Variants in SH3GL2 observed in about 807,000 individuals in gnomAD.
The protein encoded by SH3GL2 is SH3 domain containing GRB2 like 2, endophilin A1.
Under a neutral mutation model 46.0 loss-of-function variants are expected in SH3GL2, and 24 were observed. That is an observed-to-expected ratio of 0.52 (90% CI 0.38 to 0.73). The LOEUF is 0.73. Among genes scored for constraint, SH3GL2 ranks in the 30% least tolerant of loss-of-function variants. The pLI is 0.00. For synonymous variants in SH3GL2, 196 were observed against 147.1 expected (o/e 1.33, Z -2.40); for missense variants, 413 against 424.2 (o/e 0.97, Z 0.23).
intron 1 of SH3GL2, among the ~76,000 whole-genome samples, chr9:17,729,400 C>G (rs1563829823): frequency 6.6e-6 from 1 of 152,092 alleles, no homozygotes. Context: ...AAATTTTCCC[C>G]CATTCCGTAG....
chr9:17,693,441 T>C (rs1170908888), intron 1 of SH3GL2, among the ~76,000 whole-genome samples: 2 of 152,204 alleles, frequency 1.3e-5, no homozygotes, highest in Admixed American at 1.3e-4. Context: ...TACTTCTGTG[T>C]AAAATAGGGA....
At chr9:17,608,178 T>C (rs147266166) in intron 1 of SH3GL2, among the ~76,000 whole-genome samples, 3 of 144,730 alleles carry the variant, frequency 2.1e-5, no homozygotes, top group Non-Finnish European at 4.5e-5. Context: ...GATGGAGTCT[T>C]GCTCTGTTGC....
At chr9:17,671,713 T>C (rs1319608943) in intron 1 of SH3GL2, among the ~76,000 whole-genome samples, 1 of 152,178 alleles carries the variant, frequency 6.6e-6, no homozygotes, top group Non-Finnish European at 1.5e-5. Flanking sequence ...TTTGCAGTAT[T>C]GTGCCTCTGT....
intron 1 of SH3GL2, among the ~76,000 whole-genome samples, chr9:17,633,808 A>G (rs907861149): frequency 1.3e-5 from 2 of 152,206 alleles, no homozygotes; most frequent in Non-Finnish European, 2.9e-5. Context: ...AGTATTTTCT[A>G]ATACCTTTTT....
At chr9:17,614,159 T>G (rs914091229) in intron 1 of SH3GL2, among the ~76,000 whole-genome samples, 2 of 152,026 alleles carry the variant, frequency 1.3e-5, no homozygotes, top group African/African-American at 4.8e-5. Context: ...TTAACCTGAT[T>G]ACTGTTTCTA....
intron 1 of SH3GL2, among the ~76,000 whole-genome samples, chr9:17,693,123 G>A (rs1821123886): frequency 6.6e-6 from 1 of 152,096 alleles, no homozygotes; most frequent in Non-Finnish European, 1.5e-5. Flanking sequence ...ATTGTCCATT[G>A]AAAATAAAAC....
rs138056865 is a variant in SH3GL2, at chr9:17,581,495, A to T, written c.45+2208A>T. 2.6e-5 allele frequency among the ~76,000 whole-genome samples: 4 copies of T among 152,316 alleles called. No homozygotes were observed. In the East Asian group the frequency reaches 7.7e-4, roughly 29 times the overall value. On this transcript the variant is annotated intron_variant, in intron 1 of 8. Coordinates refer to ENST00000380607, the MANE Select transcript of SH3GL2 (RefSeq NM_003026.5). Reference sequence around the variant, plus strand: ...ACAGGTGACTGTTCTGTGCATATGTATATTTAGGAGAGTATGTAAAGCCCA... The same window carrying T: ...ACAGGTGACTGTTCTGTGCATATGTTTATTTAGGAGAGTATGTAAAGCCCA...
chr9:17,766,055 C>T (rs1823308180), intron 3 of SH3GL2, among the ~76,000 whole-genome samples: 1 of 152,196 alleles, frequency 6.6e-6, no homozygotes, highest in Non-Finnish European at 1.5e-5. Context: ...AAGAGCAATT[C>T]TAGATGCTGT....
rs116993657 is a variant in SH3GL2 at position 17,675,502 on chromosome 9, C to T, written c.46-71564C>T. Among the ~76,000 whole-genome samples the T allele has an allele frequency of 1.5e-3, 221 of 152,300 alleles. 1 individual carries two copies. The highest frequency in any genetic ancestry group is 0.012 in the East Asian group (61 of 5,186). On this transcript the variant is annotated intron_variant, in intron 1 of 8. Transcript: ENST00000380607. The stretch of plus-strand genomic sequence containing the variant: ...CTGTCTGAAAAGAATGCATTGATTA[C>T]AAAACTCTTTAAGTTGTACAGAAGT...
chr9:17,790,937 T>G (rs557007073), intron 6 of SH3GL2, among the ~76,000 whole-genome samples: 2 of 152,296 alleles, frequency 1.3e-5, no homozygotes, highest in South Asian at 4.1e-4. Flanking sequence ...GATACAAGAT[T>G]GTAGCTAAGC....
chr9:17,599,028 A>G (rs1461409660), intron 1 of SH3GL2, among the ~76,000 whole-genome samples: 1 of 152,236 alleles, frequency 6.6e-6, no homozygotes, highest in Non-Finnish European at 1.5e-5. Context: ...TTGGTATACA[A>G]TAAAGGCAGT....
At chr9:17,741,249 A>G (rs1035800665) in intron 1 of SH3GL2, among the ~76,000 whole-genome samples, 2 of 152,202 alleles carry the variant, frequency 1.3e-5, no homozygotes, top group African/African-American at 4.8e-5. Flanking sequence ...TTTATTTTCT[A>G]TCAAATGTAT....
intron 1 of SH3GL2, among the ~76,000 whole-genome samples, chr9:17,721,433 AC>A (rs1235727853): frequency 2.0e-5 from 3 of 152,124 alleles, no homozygotes; most frequent in Non-Finnish European, 4.4e-5. Flanking sequence ...ACAGGATCAT[AC>A]TAATGTAAGC....
At chr9:17,708,361 T>C (rs7023310) in intron 1 of SH3GL2, among the ~76,000 whole-genome samples, 14,375 of 152,010 alleles carry the variant, frequency 0.095, 2,223 homozygotes, top group African/African-American at 0.33. Flanking sequence ...TTTTTTGATT[T>C]TGACTCTTAG....
intron 1 of SH3GL2, among the ~76,000 whole-genome samples, chr9:17,738,948 C>T (rs1039943029): frequency 3.3e-5 from 5 of 152,052 alleles, no homozygotes; most frequent in Admixed American, 6.6e-5. Context: ...ACAGCTATTG[C>T]ATTAGTTTGA....
chr9:17,666,391 T>C (rs1295774870), intron 1 of SH3GL2, among the ~76,000 whole-genome samples: 3 of 152,076 alleles, frequency 2.0e-5, no homozygotes, highest in Admixed American at 6.6e-5. Context: ...ATTCTTTCAG[T>C]TTCTCTGCTC....
intron 1 of SH3GL2, among the ~76,000 whole-genome samples, chr9:17,662,703 C>CTTTTT (rs559842403): frequency 6.2e-5 from 6 of 96,960 alleles, no homozygotes; most frequent in Non-Finnish European, 9.6e-5. Context: ...TTGGCCAAGT[C>CTTTTT]TTTTTTTTTT....
intron 1 of SH3GL2, among the ~76,000 whole-genome samples, chr9:17,680,237 C>T (rs1260029064): frequency 3.3e-5 from 5 of 152,150 alleles, no homozygotes; most frequent in South Asian, 2.1e-4. Flanking sequence ...TGGTAGAATT[C>T]GGCTGTGAAT....
chr9:17,666,689 G>C (rs1304583593), intron 1 of SH3GL2, among the ~76,000 whole-genome samples: 1 of 151,842 alleles, frequency 6.6e-6, no homozygotes, highest in Non-Finnish European at 1.5e-5. Flanking sequence ...GTTTCCAGTA[G>C]TTTGCGATTC....
Sources: allele counts gnomAD v4.1 joint callset (sites outside exome capture counted in the v4.1 genomes callset), GRCh38; gene constraint gnomAD v4.1.1; transcripts MANE v1.5; gene names NCBI Gene and HGNC (gene_info 2026-07-23, HGNC 2026-07-21).